LRRC8A: variants seen among roughly 807,000 people sequenced by gnomAD.
LRRC8A encodes the protein leucine rich repeat containing 8 VRAC subunit A.
LRRC8A carries 24 observed loss-of-function variants against 52.5 expected under a neutral mutation model. The observed-to-expected ratio is 0.46, with a 90% CI of 0.33 to 0.64. LRRC8A has a LOEUF of 0.64. LRRC8A is among the 30% of genes least tolerant of loss of function. LRRC8A has a pLI of 0.02. For synonymous variants in LRRC8A, 492 were observed against 494.2 expected (o/e 1.00, Z 0.06); for missense variants, 677 against 1,094.7 (o/e 0.62, Z 5.38).
At chr9:128,905,658 C>G (rs188717699) in intron 2 of LRRC8A, among the ~76,000 whole-genome samples, 140 of 152,300 alleles carry the variant, frequency 9.2e-4, no homozygotes, top group Non-Finnish European at 1.7e-3. Flanking sequence ...TCCTGGTCAA[C>G]ATCGTGAAAC....
rs371591846 is a variant in LRRC8A at position 128,907,156 on chromosome 9, G to A, written c.-8-1G>A. 6.2e-7 allele frequency: 1 copy of A among 1,602,604 alleles called. No homozygotes were observed. Among genetic ancestry groups the A allele is most frequent in the Non-Finnish European group, 8.5e-7 (1 of 1,172,024 alleles). Reference sequence around the variant, plus strand: ...ACCCCCCTCCTATGGCTCCCTTTTAGGTTGAACCATGATTCCGGTGACAGA... The same window carrying A: ...ACCCCCCTCCTATGGCTCCCTTTTAAGTTGAACCATGATTCCGGTGACAGA... On this transcript the variant is annotated splice_acceptor_variant, in intron 2 of 3. Coordinates refer to ENST00000372600, the MANE Select transcript of LRRC8A (RefSeq NM_019594.4). LOFTEE classifies it low-confidence loss of function (5UTR_SPLICE). This position sits in a 1 kb window ranked among gnomAD's most constrained non-coding sequence, Gnocchi z 9.3.
At position 128,917,886 on chromosome 9, in the gene LRRC8A, G is replaced by C. The variant is rs1184671333; in HGVS notation, c.*1515G>C. ...TCTTAATGATTATGTCCATCCGTCTGTCCGTCCATTTGTGTTTTCTGCGTC... is the reference window on the plus strand; with the variant it reads ...TCTTAATGATTATGTCCATCCGTCTCTCCGTCCATTTGTGTTTTCTGCGTC... On this transcript the variant is annotated 3_prime_UTR_variant, in exon 4 of 4. Transcript: ENST00000372600. The C allele has an allele frequency of 6.5e-6, 1 of 152,678 alleles. No individual in the cohort carries two copies. Among genetic ancestry groups the C allele is most frequent in the East Asian group, 1.9e-4 (1 of 5,204 alleles). 9.5% of individuals were successfully genotyped at this position (152,678 alleles called of 1,614,324 possible). A position where few individuals can be genotyped will look rare whatever the true frequency, so the allele number is the denominator to read the frequency against.
chr9:128,882,170 G>A lies in LRRC8A; in HGVS notation c.-196G>A. Reference sequence around the variant, plus strand: ...GAGGGACAAACAAAAGGAGGCGCCGGAGCAGCGCTGCGGCCGGCGGCGGGA... The same window carrying A: ...GAGGGACAAACAAAAGGAGGCGCCGAAGCAGCGCTGCGGCCGGCGGCGGGA... On this transcript the variant is annotated 5_prime_UTR_variant, in exon 1 of 4. Coordinates refer to ENST00000372600, the MANE Select transcript of LRRC8A (RefSeq NM_019594.4). The A allele has an allele frequency of 6.5e-6, 1 of 152,952 alleles. No individual in the cohort carries two copies. Among genetic ancestry groups the A allele is most frequent in the Non-Finnish European group, 1.5e-5 (1 of 68,384 alleles). The allele number at this position is 152,952 out of a possible 1,614,324, so 9.5% of individuals were successfully genotyped here. A position where few individuals can be genotyped will look rare whatever the true frequency, so the allele number is the denominator to read the frequency against.
At chr9:128,883,379 G>C (rs1265511226) in intron 1 of LRRC8A, among the ~76,000 whole-genome samples, 6 of 152,252 alleles carry the variant, frequency 3.9e-5, no homozygotes, top group Non-Finnish European at 5.9e-5. Context: ...GCTGTAAGAA[G>C]CGGGAGGAGA....
Position 128,908,710 on chromosome 9 carries a change from A to C in LRRC8A, c.1546A>C (p.Lys516Gln). Reference sequence around the variant, plus strand: ...GATCCCGCTGTGGATCTATAGCCTGAAGACACTGGAGGAGCTGCACCTGAC... The same window carrying C: ...GATCCCGCTGTGGATCTATAGCCTGCAGACACTGGAGGAGCTGCACCTGAC... ...KEIPLWIYSL[K>Q]TLEELHLTGN... The change falls in exon 3 of 4, where the codon AAG becomes CAG. Residue 516 changes from lysine to glutamine, a missense_variant. Coordinates refer to ENST00000372600, the MANE Select transcript of LRRC8A (RefSeq NM_019594.4). The C allele has an allele frequency of 6.2e-7, 1 of 1,613,064 alleles. No homozygotes were observed.
At position 128,916,361 on chromosome 9, in the gene LRRC8A, A is replaced by T. The variant is rs747449292; in HGVS notation, c.2423A>T (p.Glu808Val). ...GAGCGGCTGTGGAGGGCTGACAAGGAGCAGGCCTGAGCGAGGCCGGCCCAG... is the reference window on the plus strand; with the variant it reads ...GAGCGGCTGTGGAGGGCTGACAAGGTGCAGGCCTGAGCGAGGCCGGCCCAG... Reference protein sequence around the residue: ...VKERLWRADKEQA With the variant: ...VKERLWRADKVQA The change falls in exon 4 of 4, where the codon GAG becomes GTG. Residue 808 changes from glutamate (E) to valine (V), a missense_variant. By Grantham distance (121) the Glu-to-Val change is moderately radical (BLOSUM62 -2). Coordinates refer to ENST00000372600, the MANE Select transcript of LRRC8A (RefSeq NM_019594.4). This position sits in a 1 kb window ranked among gnomAD's most constrained non-coding sequence, Gnocchi z 6.1. The T allele has an allele frequency of 1.2e-6, 2 of 1,608,964 alleles. No homozygotes were observed. The highest frequency in any genetic ancestry group is 1.7e-6 in the Non-Finnish European group (2 of 1,178,086).
intron 3 of LRRC8A, among the ~76,000 whole-genome samples, chr9:128,913,973 G>A (rs1369819467): frequency 1.3e-5 from 2 of 152,246 alleles, no homozygotes; most frequent in African/African-American, 2.4e-5. Flanking sequence ...GGGAGGCCGA[G>A]GCGGGCAGAT....
At chr9:128,896,593 A>G (rs145264595) in intron 2 of LRRC8A, among the ~76,000 whole-genome samples, 1 of 152,142 alleles carries the variant, frequency 6.6e-6, no homozygotes, top group East Asian at 1.9e-4. Context: ...CATTGGTTCC[A>G]TTTGCATTTT....
rs1026081415 is a variant in LRRC8A, at chr9:128,899,677, C to T, written c.-8-7480C>T. Among the ~76,000 whole-genome samples the T allele has an allele frequency of 2.0e-5, 3 of 152,138 alleles. No individual in the cohort carries two copies. Among genetic ancestry groups the T allele is most frequent in the African/African-American group, 4.8e-5 (2 of 41,440 alleles). ...GACAAATACCTTATGATTCCACTTA[C>T]ATGAGGTCCCTAGAGAAGTCAGATT... On this transcript the variant is annotated intron_variant, in intron 2 of 3. Coordinates refer to ENST00000372600, the MANE Select transcript of LRRC8A (RefSeq NM_019594.4). This position sits in a 1 kb window ranked among gnomAD's most constrained non-coding sequence, Gnocchi z 4.0.
intron 2 of LRRC8A, among the ~76,000 whole-genome samples, chr9:128,890,009 G>A (rs1315840050): frequency 1.3e-5 from 2 of 151,900 alleles, no homozygotes; most frequent in East Asian, 1.9e-4. Context: ...CACCTTGTTG[G>A]TCAGGCTGGT....
At chr9:128,890,441 G>A (rs1186469617) in intron 2 of LRRC8A, among the ~76,000 whole-genome samples, 2 of 152,126 alleles carry the variant, frequency 1.3e-5, no homozygotes, top group African/African-American at 4.8e-5. Flanking sequence ...TAGCTTTCAC[G>A]TGCCACCTGG....
In LRRC8A at chr9:128,908,779, G is replaced by T. The variant is rs1014078023; in HGVS notation, c.1615G>T (p.Gly539Trp). Residue 539 changes from glycine (G) to tryptophan (W), a missense_variant, in exon 3 of 4, where the codon GGG becomes TGG. Gly to Trp is a radical substitution (Grantham distance 184, BLOSUM62 -2). Around this residue, in one of 4 missense-constraint regions of LRRC8A, gnomAD observed 422 missense variants for 741.5 expected, o/e 0.57. Transcript: ENST00000372600. ...AENNRYIVID[G>W]LRELKRLKVL... Reference sequence around the variant, plus strand: ...GAACAACCGCTACATCGTCATCGACGGGCTGCGGGAGCTCAAACGCCTCAA... The same window carrying T: ...GAACAACCGCTACATCGTCATCGACTGGCTGCGGGAGCTCAAACGCCTCAA... The T allele has an allele frequency of 1.2e-6, 2 of 1,613,368 alleles. No homozygotes were observed. Among genetic ancestry groups the T allele is most frequent in the South Asian group, 1.1e-5 (1 of 91,086 alleles).
chr9:128,914,557 C>G (rs1312384582), intron 3 of LRRC8A, among the ~76,000 whole-genome samples: 1 of 152,236 alleles, frequency 6.6e-6, no homozygotes, highest in Non-Finnish European at 1.5e-5. Flanking sequence ...TCTCCTGACC[C>G]TTTCGGAGAG....
chr9:128,899,485 T>C lies in LRRC8A; in HGVS notation c.-8-7672T>C, dbSNP rs566921669. Reference sequence around the variant, plus strand: ...GTTTGAACGCCACCTCTGTCACTTATAGGCGGTATGAAGTTGGGCAGAAGA... The same window carrying C: ...GTTTGAACGCCACCTCTGTCACTTACAGGCGGTATGAAGTTGGGCAGAAGA... On this transcript the variant is annotated intron_variant, in intron 2 of 3. Coordinates refer to ENST00000372600, the MANE Select transcript of LRRC8A (RefSeq NM_019594.4). The surrounding 1 kb of genome is among the most constrained non-coding windows in gnomAD (Gnocchi z 4.0). Among the ~76,000 whole-genome samples the C allele has an allele frequency of 2.0e-5, 3 of 151,708 alleles. No homozygotes were observed. The highest frequency in any genetic ancestry group is 4.2e-4 in the South Asian group (2 of 4,808).
intron 2 of LRRC8A, among the ~76,000 whole-genome samples, chr9:128,890,130 T>TTGTGTGTGTGTGTG (rs57721007): frequency 0.069 from 8,884 of 128,116 alleles, 515 homozygotes; most frequent in Admixed American, 0.14. Flanking sequence ...TGGCTTCATT[T>TTGTGTGTGTGTGTG]TGTGTGTGTG....
At chr9:128,915,425 C>T (rs955362657) in intron 3 of LRRC8A, among the ~76,000 whole-genome samples, 1 of 152,170 alleles carries the variant, frequency 6.6e-6, no homozygotes. Context: ...CCCGGGTTCA[C>T]GCCATTCTCC....
In LRRC8A at chr9:128,909,253, C is replaced by G; in HGVS notation, c.2089C>G (p.Leu697Val). 9.9e-6 allele frequency: 16 copies of G among 1,614,128 alleles called. No individual in the cohort carries two copies. The highest frequency in any genetic ancestry group is 1.4e-5 in the Non-Finnish European group (16 of 1,180,050). Residue 697 changes from leucine (L) to valine (V), a missense_variant, in exon 3 of 4, where the codon CTG becomes GTG. Physicochemically the swap from Leu to Val is conservative, Grantham distance 32. Coordinates refer to ENST00000372600, the MANE Select transcript of LRRC8A (RefSeq NM_019594.4). ...LRYLDLSHNN[L>V]TFLPADIGLL... ...CTACCTGGACCTCAGCCACAACAAC[C>G]TGACCTTCCTCCCTGCCGACATCGG...
At chr9:128,889,925 C>A (rs1362764533) in intron 2 of LRRC8A, among the ~76,000 whole-genome samples, 1 of 152,034 alleles carries the variant, frequency 6.6e-6, no homozygotes, top group Non-Finnish European at 1.5e-5. Flanking sequence ...GTCTCAGCCT[C>A]CCAAGTAGCT....
intron 1 of LRRC8A, chr9:128,882,580 C>T (rs1051885850): frequency 7.5e-6 from 3 of 397,798 alleles, no homozygotes; most frequent in African/African-American, 4.1e-5. Flanking sequence ...AGATCCTCAC[C>T]CCTCCACACA....
Sources: gnomAD v4.1 joint callset for allele counts (sites outside exome capture counted in the v4.1 genomes callset) on GRCh38, gnomAD v4.1.1 for gene constraint, gnomAD v4.1.1 regional missense constraint, Gnocchi (gnomAD v3.1) non-coding constraint, MANE v1.5 for transcripts, NCBI Gene and HGNC (gene_info 2026-07-23, HGNC 2026-07-21) for gene names.